The following TXLNB variants were observed in gnomAD, a reference collection of about 807,000 sequenced individuals.
TXLNB encodes the protein taxilin beta.
Under a neutral mutation model 57.4 loss-of-function variants are expected in TXLNB, and 37 were observed. The ratio of observed to expected loss-of-function variants is 0.64; its 90% confidence interval spans 0.50 to 0.85. TXLNB has a LOEUF of 0.85. Among genes scored for constraint, TXLNB ranks in the 40% least tolerant of loss-of-function variants. The pLI, the probability that TXLNB is intolerant of heterozygous loss-of-function variation, is 0.00. For missense variants in TXLNB, 848 were observed against 825.6 expected (o/e 1.03, Z -0.33); for synonymous variants, 302 against 309.6 (o/e 0.98, Z 0.26).
the TXLNB span, among the ~76,000 whole-genome samples, chr6:139,191,446 G>T: frequency 1.3e-5 from 2 of 152,088 alleles, no homozygotes; most frequent in Non-Finnish European, 1.5e-5. Flanking sequence ...AAAAAATCCA[G>T]TTTATCAACT....
the TXLNB span, among the ~76,000 whole-genome samples, chr6:139,194,621 C>A: frequency 6.6e-6 from 1 of 152,196 alleles, no homozygotes. Context: ...CTGCTTGATA[C>A]GAGTCATTGT....
intron 4 of TXLNB, among the ~76,000 whole-genome samples, chr6:139,264,215 C>T (rs913596131): frequency 5.3e-5 from 8 of 152,142 alleles, no homozygotes; most frequent in African/African-American, 1.2e-4. Context: ...ATATGTGTTT[C>T]GCTAAAAATA....
intron 3 of TXLNB, among the ~76,000 whole-genome samples, chr6:139,272,337 A>T (rs996726337): frequency 6.6e-6 from 1 of 152,060 alleles, no homozygotes; most frequent in Non-Finnish European, 1.5e-5. Context: ...TAAATAGAAA[A>T]GCAGTTGTTC....
the TXLNB span, among the ~76,000 whole-genome samples, chr6:139,184,815 G>A: frequency 6.6e-6 from 1 of 152,090 alleles, no homozygotes. Flanking sequence ...GACTGTTGAG[G>A]GTTGCTTGAC....
chr6:139,250,941 T>C (rs1041340774), intron 7 of TXLNB, among the ~76,000 whole-genome samples: 1 of 152,232 alleles, frequency 6.6e-6, no homozygotes, highest in African/African-American at 2.4e-5. Context: ...ACCTGTTATA[T>C]TTTTTCATTA....
At chr6:139,202,511 T>C in the TXLNB span, among the ~76,000 whole-genome samples, 1 of 152,246 alleles carries the variant, frequency 6.6e-6, no homozygotes, top group Non-Finnish European at 1.5e-5. Flanking sequence ...GTGTAGTACA[T>C]ATGACATTGC....
chr6:139,323,314 G>T, the TXLNB span, among the ~76,000 whole-genome samples: 4 of 142,954 alleles, frequency 2.8e-5, no homozygotes, highest in Non-Finnish European at 6.0e-5. Flanking sequence ...ACGGAGTCTC[G>T]CTCTGTCGCC....
chr6:139,242,756 C>T lies in TXLNB; in HGVS notation c.1825G>A (p.Glu609Lys), dbSNP rs776696881. Residue 609 changes from glutamate to lysine, a missense_variant, in exon 10 of 10, where the codon GAA (glutamate) becomes AAA (lysine). By Grantham distance (56) the Glu-to-Lys change is moderately conservative. Transcript: ENST00000358430. ...ADQASWKPEA[E>K]ASGQAPQAPT... ...GCCTGTGGGGCCTGACCGGAAGCTTCTGCCTCTGGCTTCCAGGACGCCTGA... is the reference window on the plus strand; with the variant it reads ...GCCTGTGGGGCCTGACCGGAAGCTTTTGCCTCTGGCTTCCAGGACGCCTGA... 9.9e-6 allele frequency: 16 copies of T among 1,614,140 alleles called. No individual in the cohort carries two copies. The East Asian group carries it at 3.3e-4, about 34-fold the overall frequency.
At chr6:139,181,340 G>T in the TXLNB span, among the ~76,000 whole-genome samples, 4 of 152,354 alleles carry the variant, frequency 2.6e-5, no homozygotes, top group East Asian at 1.9e-4. Flanking sequence ...GAAAATTCCA[G>T]AAACAATTCA....
the TXLNB span, chr6:139,234,355 C>T: frequency 0.027 from 4,056 of 152,290 alleles, 148 homozygotes; most frequent in African/African-American, 0.091. Context: ...ACCTTCATAG[C>T]GGCACCTCTT....
chr6:139,291,019 C>A (rs1777288750), intron 1 of TXLNB, among the ~76,000 whole-genome samples: 1 of 152,188 alleles, frequency 6.6e-6, no homozygotes, highest in African/African-American at 2.4e-5. Flanking sequence ...GGTTTGAATT[C>A]ACCAACTTGA....
chr6:139,216,174 C>A, the TXLNB span, among the ~76,000 whole-genome samples: 3 of 151,858 alleles, frequency 2.0e-5, no homozygotes, highest in Non-Finnish European at 4.4e-5. Flanking sequence ...CACATGCACA[C>A]GTATGTTTAT....
At chr6:139,293,316 T>C (rs909496096), upstream of TXLNB, among the ~76,000 whole-genome samples, 3 of 152,116 alleles carry the variant, frequency 2.0e-5, no homozygotes, top group Admixed American at 6.5e-5. Context: ...GGTCTCGAAC[T>C]CCTGACCTCA....
chr6:139,306,485 T>C, the TXLNB span, among the ~76,000 whole-genome samples: 1 of 152,226 alleles, frequency 6.6e-6, no homozygotes, highest in African/African-American at 2.4e-5. Context: ...TGGCAAATGG[T>C]TGAGGCATGA....
chr6:139,216,132 C>A, the TXLNB span, among the ~76,000 whole-genome samples: 3 of 151,854 alleles, frequency 2.0e-5, no homozygotes, highest in Non-Finnish European at 4.4e-5. Context: ...GGGTATATAC[C>A]CAAAGGATTA....
At chr6:139,185,886 C>T in the TXLNB span, among the ~76,000 whole-genome samples, 3 of 152,064 alleles carry the variant, frequency 2.0e-5, no homozygotes, top group Non-Finnish European at 4.4e-5. Context: ...CTACTTTGTC[C>T]TTTCTGTTGC....
the TXLNB span, among the ~76,000 whole-genome samples, chr6:139,314,936 A>G: frequency 1.3e-5 from 2 of 152,222 alleles, no homozygotes; most frequent in Admixed American, 6.5e-5. Context: ...CCTGGGGTCC[A>G]GTCTGTCTTT....
intron 2 of TXLNB, among the ~76,000 whole-genome samples, chr6:139,278,093 C>A (rs1241205537): frequency 6.6e-6 from 1 of 152,164 alleles, no homozygotes; most frequent in African/African-American, 2.4e-5. Flanking sequence ...TACATGGAAT[C>A]AAGGAATTTT....
chr6:139,318,939 C>CTT, the TXLNB span, among the ~76,000 whole-genome samples: 147 of 120,330 alleles, frequency 1.2e-3, no homozygotes, highest in Non-Finnish European at 1.7e-3. Flanking sequence ...GTCTTCCTTC[C>CTT]TTTTTTTTTT....
Sources: gnomAD v4.1 joint callset for allele counts (sites outside exome capture counted in the v4.1 genomes callset) on GRCh38, gnomAD v4.1.1 for gene constraint, MANE v1.5 for transcripts, NCBI Gene and HGNC (gene_info 2026-07-23, HGNC 2026-07-21) for gene names.